NXPH1: variants seen among roughly 807,000 people sequenced by gnomAD.
NXPH1 encodes neurexophilin-1.
A neutral mutation model predicts 23.7 loss-of-function variants in NXPH1; 5 were observed. That is an observed-to-expected ratio of 0.21 (90% CI 0.11 to 0.44). The LOEUF (loss-of-function observed/expected upper bound fraction) is 0.44. Ranked by LOEUF, NXPH1 falls within the 20% of genes least tolerant of loss-of-function variation. The pLI is 0.99. For synonymous variants in NXPH1, 144 were observed against 122.2 expected, an observed-to-expected ratio of 1.18 and a Z score of -1.18; for missense variants, 324 against 321.6, an observed-to-expected ratio of 1.01 and a Z score of -0.06.
At chr7:8,738,907 G>A (rs977032222) in intron 2 of NXPH1, among the ~76,000 whole-genome samples, 1 of 152,076 alleles carries the variant, frequency 6.6e-6, no homozygotes, top group Non-Finnish European at 1.5e-5. Flanking sequence ...ACTTCCCCCA[G>A]CAGCTTTGTT....
intron 2 of NXPH1, among the ~76,000 whole-genome samples, chr7:8,480,622 G>C (rs7806508): frequency 0.55 from 82,988 of 152,016 alleles, 23,485 homozygotes; most frequent in African/African-American, 0.7. Context: ...AAGTGGCTTA[G>C]TCATGCCTTA....
chr7:8,584,777 A>G (rs898008519), intron 2 of NXPH1, among the ~76,000 whole-genome samples: 2 of 152,184 alleles, frequency 1.3e-5, no homozygotes, highest in Non-Finnish European at 2.9e-5. Flanking sequence ...TAGTAATTTC[A>G]CAATCCTTTT....
chr7:8,475,147 A>G (rs1427522962), intron 2 of NXPH1, among the ~76,000 whole-genome samples: 1 of 152,040 alleles, frequency 6.6e-6, no homozygotes, highest in East Asian at 1.9e-4. Flanking sequence ...ACATTCCTAG[A>G]TTCCTTCTTT....
chr7:8,624,962 T>A lies in NXPH1; in HGVS notation c.55-126046T>A, dbSNP rs186474491. Among the ~76,000 whole-genome samples, 21 of 152,182 alleles carry A rather than the reference T, an allele frequency of 1.4e-4. No homozygotes were observed. In the East Asian group the frequency reaches 4.1e-3, roughly 29 times the overall value. Reference sequence around the variant, plus strand: ...TGTCTATTTCCCTAAAAAAGTGGGGTAGGCTAAGTGATGTCCAACATTTCT... The same window carrying A: ...TGTCTATTTCCCTAAAAAAGTGGGGAAGGCTAAGTGATGTCCAACATTTCT... On this transcript the variant is annotated intron_variant, in intron 2 of 2. Transcript: ENST00000405863.
At chr7:8,645,475 T>A (rs1200867208) in intron 2 of NXPH1, among the ~76,000 whole-genome samples, 1 of 152,130 alleles carries the variant, frequency 6.6e-6, no homozygotes, top group Non-Finnish European at 1.5e-5. Context: ...TTCTCCTTTA[T>A]ATTATTTGCA....
At chr7:8,700,743 G>A (rs963382431) in intron 2 of NXPH1, among the ~76,000 whole-genome samples, 1 of 151,988 alleles carries the variant, frequency 6.6e-6, no homozygotes, top group African/African-American at 2.4e-5. Flanking sequence ...CTGCCTTCTG[G>A]ACATCTTTAC....
At chr7:8,624,854 C>T (rs1186004789) in intron 2 of NXPH1, among the ~76,000 whole-genome samples, 2 of 152,058 alleles carry the variant, frequency 1.3e-5, no homozygotes, top group African/African-American at 4.8e-5. Context: ...TAGTAGAGGG[C>T]TCCTCAGTGC....
intron 2 of NXPH1, among the ~76,000 whole-genome samples, chr7:8,602,513 C>T (rs1819383739): frequency 6.6e-6 from 1 of 152,198 alleles, no homozygotes; most frequent in Non-Finnish European, 1.5e-5. Context: ...ATCCATCTGG[C>T]TAAGGCTGTT....
intron 2 of NXPH1, among the ~76,000 whole-genome samples, chr7:8,443,823 G>C (rs551603229): frequency 6.6e-6 from 1 of 152,106 alleles, no homozygotes; most frequent in African/African-American, 2.4e-5. Flanking sequence ...CGGCGGGGGG[G>C]AGTTTCTCTT....
intron 2 of NXPH1, among the ~76,000 whole-genome samples, chr7:8,694,707 T>C (rs990887651): frequency 6.6e-6 from 1 of 152,214 alleles, no homozygotes; most frequent in African/African-American, 2.4e-5. Context: ...ACAATTTATC[T>C]CATTCTACTT....
chr7:8,599,470 C>A (rs913488023), intron 2 of NXPH1, among the ~76,000 whole-genome samples: 2 of 152,044 alleles, frequency 1.3e-5, no homozygotes, highest in Admixed American at 6.5e-5. Flanking sequence ...CAATAGTATT[C>A]AATTTTCTTG....
intron 2 of NXPH1, among the ~76,000 whole-genome samples, chr7:8,647,353 C>A (rs1317008513): frequency 6.6e-6 from 1 of 152,124 alleles, no homozygotes; most frequent in African/African-American, 2.4e-5. Flanking sequence ...CATGCCCAGC[C>A]CTGGCAGGAA....
intron 2 of NXPH1, among the ~76,000 whole-genome samples, chr7:8,443,476 G>T (rs1816341085): frequency 6.6e-6 from 1 of 152,256 alleles, no homozygotes; most frequent in Admixed American, 6.5e-5. Context: ...ACCCTATGGG[G>T]AGAAGCGATT....
At position 8,684,874 on chromosome 7, in the gene NXPH1, A is replaced by G. The variant is rs769009562; in HGVS notation, c.55-66134A>G. Among the ~76,000 whole-genome samples the G allele has an allele frequency of 2.8e-4, 43 of 152,150 alleles. 1 individual carries two copies. The highest frequency in any genetic ancestry group is 4.9e-4 in the Non-Finnish European group (33 of 68,016). Reference sequence around the variant, plus strand: ...TACTTGCTGTGTTAATTATTTAACTATCTTCCAACATAAATAATGTGTGGG... The same window carrying G: ...TACTTGCTGTGTTAATTATTTAACTGTCTTCCAACATAAATAATGTGTGGG... On this transcript the variant is annotated intron_variant, in intron 2 of 2. Coordinates refer to ENST00000405863, the MANE Select transcript of NXPH1 (RefSeq NM_152745.3).
At chr7:8,659,574 G>T (rs188709041) in intron 2 of NXPH1, among the ~76,000 whole-genome samples, 5,235 of 152,188 alleles carry the variant, frequency 0.034, 140 homozygotes, top group Non-Finnish European at 0.052. Flanking sequence ...ACACACCGGG[G>T]CCTGTCGTGG....
intron 2 of NXPH1, among the ~76,000 whole-genome samples, chr7:8,439,074 C>G (rs1244682801): frequency 6.6e-6 from 1 of 151,928 alleles, no homozygotes; most frequent in African/African-American, 2.4e-5. Flanking sequence ...GATTTAAAAG[C>G]CTGAATTCAA....
intron 2 of NXPH1, among the ~76,000 whole-genome samples, chr7:8,750,267 G>A (rs1036687303): frequency 1.3e-5 from 2 of 152,172 alleles, no homozygotes; most frequent in Admixed American, 6.5e-5. Flanking sequence ...TATGGATAAC[G>A]AAATAGTCTA....
At position 8,665,932 on chromosome 7, in the gene NXPH1, TTTGAA is replaced by T. The variant is rs1583221181; in HGVS notation, c.55-85075_55-85071del. ...TTTTTCTTTTTCTTTTTTTTTTTTT[TTTGAA>T]GGAGTCTTTGGGTTTTTCTATTTGT... On this transcript the variant is annotated intron_variant, in intron 2 of 2. Transcript: ENST00000405863. Among the ~76,000 whole-genome samples the T allele has an allele frequency of 6.5e-5, 9 of 139,500 alleles. No homozygotes were observed. The East Asian group carries it at 1.7e-3, about 27-fold the overall frequency. The allele number at this position is 139,500 out of a possible 152,430, so 91.5% of individuals were successfully genotyped here.
intron 2 of NXPH1, among the ~76,000 whole-genome samples, chr7:8,640,374 T>A (rs1820287404): frequency 6.6e-6 from 1 of 151,760 alleles, no homozygotes. Context: ...GGTCCTCATG[T>A]AATTTTTGAG....
Sources: allele counts gnomAD v4.1 joint callset (sites outside exome capture counted in the v4.1 genomes callset), GRCh38; gene constraint gnomAD v4.1.1; transcripts MANE v1.5; gene names NCBI Gene and HGNC (gene_info 2026-07-23, HGNC 2026-07-21).